Variants in NXPH1 observed in about 807,000 individuals in gnomAD.
The protein encoded by NXPH1 is neurexophilin-1.
NXPH1 carries 5 observed loss-of-function variants against 23.7 expected under a neutral mutation model. The observed-to-expected ratio is 0.21, with a 90% CI of 0.11 to 0.44. NXPH1 has a LOEUF of 0.44. NXPH1 is among the 20% of genes least tolerant of loss of function. The pLI is 0.99. For missense variants in NXPH1, 324 were observed against 321.6 expected, an observed-to-expected ratio of 1.01 and a Z score of -0.06; for synonymous variants, 144 against 122.2, an observed-to-expected ratio of 1.18 and a Z score of -1.18.
At chr7:8,648,423 TTC>T (rs1820430770) in intron 2 of NXPH1, among the ~76,000 whole-genome samples, 1 of 152,232 alleles carries the variant, frequency 6.6e-6, no homozygotes, top group Non-Finnish European at 1.5e-5. Context: ...ATGTTTGTTT[TTC>T]TGTGTCTGGC....
At chr7:8,477,500 T>C (rs1816996270) in intron 2 of NXPH1, among the ~76,000 whole-genome samples, 1 of 152,168 alleles carries the variant, frequency 6.6e-6, no homozygotes, top group Non-Finnish European at 1.5e-5. Flanking sequence ...CCTAGACTTT[T>C]GCCTAGCAAT....
intron 2 of NXPH1, among the ~76,000 whole-genome samples, chr7:8,618,401 A>G (rs769755845): frequency 2.6e-5 from 4 of 152,180 alleles, no homozygotes; most frequent in Non-Finnish European, 5.9e-5. Context: ...TTTAGGGAGC[A>G]TCAACACTGT....
At chr7:8,462,210 A>T (rs944511869) in intron 2 of NXPH1, among the ~76,000 whole-genome samples, 1 of 152,098 alleles carries the variant, frequency 6.6e-6, no homozygotes, top group African/African-American at 2.4e-5. Context: ...CACCATGCCC[A>T]GCTAATTTTT....
intron 2 of NXPH1, among the ~76,000 whole-genome samples, chr7:8,595,369 T>C (rs2128626154): frequency 6.6e-6 from 1 of 152,192 alleles, no homozygotes; most frequent in East Asian, 1.9e-4. Flanking sequence ...AAATAATGAT[T>C]TATTTTTTAC....
At position 8,465,022 on chromosome 7, in the gene NXPH1, G is replaced by C. The variant is rs137857771; in HGVS notation, c.54+29255G>C. On this transcript the variant is annotated intron_variant, in intron 2 of 2. Transcript: ENST00000405863. ...CTAAAATAATCCAGATGGGAGAGAA[G>C]GAGACACGAAGACCTATTAAGAGGC... Among the ~76,000 whole-genome samples the C allele has an allele frequency of 2.9e-3, 449 of 152,248 alleles. 3 individuals carry two copies. The highest frequency in any genetic ancestry group is 0.01 in the African/African-American group (424 of 41,536).
intron 2 of NXPH1, among the ~76,000 whole-genome samples, chr7:8,575,471 A>C (rs901825328): frequency 1.3e-5 from 2 of 152,180 alleles, no homozygotes; most frequent in African/African-American, 2.4e-5. Context: ...GTTTCAATGA[A>C]TAGAAAGCAT....
intron 2 of NXPH1, among the ~76,000 whole-genome samples, chr7:8,744,641 T>C (rs1357578782): frequency 6.6e-6 from 1 of 152,232 alleles, no homozygotes; most frequent in Non-Finnish European, 1.5e-5. Flanking sequence ...CCCAGTTTCC[T>C]AGTGGATGGC....
chr7:8,736,646 C>T (rs752907861), intron 2 of NXPH1, among the ~76,000 whole-genome samples: 4 of 152,102 alleles, frequency 2.6e-5, no homozygotes, highest in Non-Finnish European at 5.9e-5. Flanking sequence ...CTATTAGGTC[C>T]TCTTGGTCCA....
In NXPH1 at chr7:8,542,356, T is replaced by C. The variant is rs1405400005; in HGVS notation, c.54+106589T>C. Among the ~76,000 whole-genome samples the C allele has an allele frequency of 2.6e-5, 4 of 151,570 alleles. No individual in the cohort carries two copies. The East Asian group carries it at 7.8e-4, about 29-fold the overall frequency. ...ATGAAGCAAAAATTGCTAGAACTTT[T>C]ATAGCAGTGAGAGAGTTAAGAGATT... On this transcript the variant is annotated intron_variant, in intron 2 of 2. Transcript: ENST00000405863.
intron 2 of NXPH1, among the ~76,000 whole-genome samples, chr7:8,615,177 C>T (rs574148972): frequency 1.3e-5 from 2 of 152,118 alleles, no homozygotes; most frequent in Non-Finnish European, 2.9e-5. Flanking sequence ...CATTTGAGCC[C>T]TGCTATTTGT....
chr7:8,704,060 G>A (rs775391233), intron 2 of NXPH1, among the ~76,000 whole-genome samples: 41 of 152,168 alleles, frequency 2.7e-4, no homozygotes, highest in Non-Finnish European at 3.4e-4. Flanking sequence ...TTAGACTAAG[G>A]AGGAGATATG....
chr7:8,583,824 G>A (rs1427088716), intron 2 of NXPH1, among the ~76,000 whole-genome samples: 1 of 152,178 alleles, frequency 6.6e-6, no homozygotes, highest in Non-Finnish European at 1.5e-5. Context: ...CTGAGAGGTG[G>A]AGGAGAGGTA....
At chr7:8,460,903 C>T (rs116980555) in intron 2 of NXPH1, among the ~76,000 whole-genome samples, 3,945 of 152,252 alleles carry the variant, frequency 0.026, 80 homozygotes, top group South Asian at 0.042. Flanking sequence ...TGAAATAATC[C>T]ATGTGAAAGT....
chr7:8,492,241 G>A (rs1002509587), intron 2 of NXPH1, among the ~76,000 whole-genome samples: 8 of 151,998 alleles, frequency 5.3e-5, no homozygotes, highest in African/African-American at 1.4e-4. Context: ...TTATTCCTAC[G>A]TTTTGACGTG....
intron 2 of NXPH1, among the ~76,000 whole-genome samples, chr7:8,497,388 G>T (rs1222671170): frequency 6.6e-6 from 1 of 152,124 alleles, no homozygotes; most frequent in Non-Finnish European, 1.5e-5. Context: ...GTAATGGGAT[G>T]GCTGGGTCAA....
intron 2 of NXPH1, among the ~76,000 whole-genome samples, chr7:8,634,748 C>T (rs1820193116): frequency 6.8e-6 from 1 of 146,042 alleles, no homozygotes; most frequent in Non-Finnish European, 1.5e-5. Flanking sequence ...GGAAATGGCC[C>T]AGGAAATGAT....
chr7:8,468,305 A>T (rs181071401), intron 2 of NXPH1, among the ~76,000 whole-genome samples: 3 of 152,098 alleles, frequency 2.0e-5, no homozygotes, highest in African/African-American at 7.2e-5. Context: ...AAATGGTTAC[A>T]TAGGTGAGTT....
At chr7:8,653,896 G>A (rs1052538039) in intron 2 of NXPH1, among the ~76,000 whole-genome samples, 38 of 152,242 alleles carry the variant, frequency 2.5e-4, no homozygotes, top group African/African-American at 8.4e-4. Context: ...CTTTTGCATG[G>A]CTAGGGGTCA....
chr7:8,650,742 T>C (rs17153323), intron 2 of NXPH1, among the ~76,000 whole-genome samples: 4,662 of 152,264 alleles, frequency 0.031, 252 homozygotes, highest in African/African-American at 0.11. Flanking sequence ...AATTCACTTG[T>C]GTATATCAAT....
Sources: allele counts gnomAD v4.1 joint callset (sites outside exome capture counted in the v4.1 genomes callset), GRCh38; gene constraint gnomAD v4.1.1; transcripts MANE v1.5; gene names NCBI Gene and HGNC (gene_info 2026-07-23, HGNC 2026-07-21).